NEDD1: variants seen among roughly 807,000 people sequenced by gnomAD.
The protein encoded by NEDD1 is NEDD1 gamma-tubulin ring complex targeting factor, also known as protein NEDD1.
Under a neutral mutation model 74.0 loss-of-function variants are expected in NEDD1, and 33 were observed. The ratio of observed to expected loss-of-function variants is 0.45; its 90% CI spans 0.34 to 0.60. The LOEUF (loss-of-function observed/expected upper bound fraction) is 0.60, where lower values mean the gene tolerates loss of function less well. Among genes scored for constraint, NEDD1 ranks in the 20% least tolerant of loss-of-function variants. The probability of loss-of-function intolerance (pLI) is 0.01; values close to 1 mark genes in which losing one functional copy is unlikely to be tolerated. For missense variants in NEDD1, 746 were observed against 776.5 expected, an observed-to-expected ratio of 0.96 and a Z score of 0.47; for synonymous variants, 250 against 264.4, an observed-to-expected ratio of 0.95 and a Z score of 0.53.
intron 11 of NEDD1, among the ~76,000 whole-genome samples, chr12:96,943,110 C>G (rs768232717): frequency 6.6e-5 from 10 of 151,980 alleles, no homozygotes; most frequent in Non-Finnish European, 1.3e-4. Context: ...GTTACTAGGT[C>G]CAAGCCACGT....
intron 14 of NEDD1, among the ~76,000 whole-genome samples, chr12:96,950,283 T>A (rs1281036665): frequency 6.6e-6 from 1 of 151,992 alleles, no homozygotes; most frequent in East Asian, 1.9e-4. Flanking sequence ...TACTAAGTCT[T>A]GATGATATAG....
In NEDD1 at chr12:96,943,672, A is replaced by C. The variant is rs1877900040; in HGVS notation, c.1407A>C (p.Pro469=). The C allele has an allele frequency of 6.2e-7, 1 of 1,611,948 alleles. No individual in the cohort carries two copies. Among genetic ancestry groups the C allele is most frequent in the East Asian group, 2.2e-5 (1 of 44,842 alleles). Residue 469 remains proline (P), a synonymous_variant, in exon 12 of 16, where the codon CCA becomes CCC. Transcript: ENST00000266742. ...SSPLNVFMGS[P]GKEENENRDL... Reference sequence around the variant, plus strand: ...CTCTTAATGTTTTTATGGGATCTCCAGGGAAAGAGGAAAATGAAAACCGTG... The same window carrying C: ...CTCTTAATGTTTTTATGGGATCTCCCGGGAAAGAGGAAAATGAAAACCGTG...
At chr12:96,916,251 A>ATTATTG (rs1355092207) in intron 4 of NEDD1, among the ~76,000 whole-genome samples, 2 of 149,324 alleles carry the variant, frequency 1.3e-5, no homozygotes, top group Middle Eastern at 3.6e-3. Flanking sequence ...TATTATTATT[A>ATTATTG]TTATTATTAT....
At chr12:96,941,771 A>G (rs967513630) in intron 10 of NEDD1, among the ~76,000 whole-genome samples, 2 of 152,252 alleles carry the variant, frequency 1.3e-5, no homozygotes, top group Non-Finnish European at 1.5e-5. Flanking sequence ...TACTTTTGCT[A>G]TGTTTAAAAA....
chr12:96,918,915 T>G (rs1397193356), intron 5 of NEDD1, among the ~76,000 whole-genome samples: 1 of 152,214 alleles, frequency 6.6e-6, no homozygotes, highest in Non-Finnish European at 1.5e-5. Flanking sequence ...TGTTCCTTGG[T>G]TTTGGGAAAG....
At chr12:96,919,520 G>A (rs886644038) in intron 5 of NEDD1, among the ~76,000 whole-genome samples, 3 of 152,098 alleles carry the variant, frequency 2.0e-5, no homozygotes, top group Non-Finnish European at 4.4e-5. Flanking sequence ...ATTTTGCAAT[G>A]TCTGGTTTCT....
chr12:96,943,499 T>C lies in NEDD1; in HGVS notation c.1295-61T>C, dbSNP rs539878799. 61 of 1,133,226 alleles carry C rather than the reference T, an allele frequency of 5.4e-5. No homozygotes were observed. The East Asian group carries it at 8.2e-4, about 15-fold the overall frequency. The allele number at this position is 1,133,226 out of a possible 1,614,324, so 70.2% of individuals were successfully genotyped here. A position where few individuals can be genotyped will look rare whatever the true frequency, so the allele number is the denominator to read the frequency against. The stretch of plus-strand genomic sequence containing the variant: ...TTAATCTGCCTATCATGTTAAATGC[T>C]TTTCTTCAATGTCCAAAATTGGAGG... On this transcript the variant is annotated intron_variant, in intron 11 of 15. Coordinates refer to ENST00000266742, the MANE Select transcript of NEDD1 (RefSeq NM_152905.4).
intron 6 of NEDD1, among the ~76,000 whole-genome samples, chr12:96,930,216 C>CT (rs1876291173): frequency 7.5e-6 from 1 of 132,610 alleles, no homozygotes; most frequent in South Asian, 2.2e-4. Context: ...CACACACTCT[C>CT]TCTCTCTCTC....
intron 4 of NEDD1, among the ~76,000 whole-genome samples, chr12:96,915,782 A>G (rs1272042143): frequency 2.0e-5 from 3 of 152,256 alleles, no homozygotes; most frequent in Non-Finnish European, 4.4e-5. Flanking sequence ...TAGCCATTCT[A>G]TAAAGATGGA....
intron 10 of NEDD1, among the ~76,000 whole-genome samples, chr12:96,942,160 A>C (rs1184725791): frequency 2.0e-5 from 3 of 152,138 alleles, no homozygotes; most frequent in Admixed American, 2.0e-4. Flanking sequence ...ATTGATCCTC[A>C]AAGCAATTTT....
chr12:96,932,731 G>C (rs1186020550), intron 6 of NEDD1, among the ~76,000 whole-genome samples: 1 of 151,162 alleles, frequency 6.6e-6, no homozygotes, highest in African/African-American at 2.4e-5. Flanking sequence ...TGTAAAAGAT[G>C]GTTGAATGGT....
In NEDD1 at chr12:96,907,693, TC is replaced by T; in HGVS notation, c.-171del. The T allele has an allele frequency of 6.4e-7, 1 of 1,551,308 alleles. No homozygotes were observed. The highest frequency in any genetic ancestry group is 2.4e-5 in the East Asian group (1 of 40,916). On this transcript the variant is annotated 5_prime_UTR_variant, in exon 2 of 16. Coordinates refer to ENST00000266742, the MANE Select transcript of NEDD1 (RefSeq NM_152905.4). The stretch of plus-strand genomic sequence containing the variant: ...TTGGTGATTGAAAGTTGGAGAACTT[TC>T]ATTTCAGCTGAGTGGTGTAGTTGAA...
chr12:96,953,197 A>G lies in NEDD1; in HGVS notation c.*1144A>G, dbSNP rs959116307. The G allele has an allele frequency of 6.7e-6, 1 of 150,152 alleles. No homozygotes were observed. The highest frequency in any genetic ancestry group is 1.5e-5 in the Non-Finnish European group (1 of 67,350). 9.3% of individuals were successfully genotyped at this position (150,152 alleles called of 1,614,324 possible). A position where few individuals can be genotyped will look rare whatever the true frequency, so the allele number is the denominator to read the frequency against. On this transcript the variant is annotated 3_prime_UTR_variant, in exon 16 of 16. Transcript: ENST00000266742. ...CCATTTTGACTTCTGAGATGAAAGT[A>G]TTTACTAAAATTAAAAAAAAAAAAA...
intron 6 of NEDD1, among the ~76,000 whole-genome samples, chr12:96,930,191 ACACACACACACACACACACACTCTCTCT>A (rs1428690114): frequency 1.8e-3 from 133 of 74,872 alleles, no homozygotes; most frequent in African/African-American, 6.1e-3. Context: ...ACACACACAC[ACACACACACACACACACACACTCTCTCT>A]CTCTCTCTCT....
At chr12:96,919,557 T>A (rs59074488) in intron 5 of NEDD1, among the ~76,000 whole-genome samples, 6,241 of 152,228 alleles carry the variant, frequency 0.041, 431 homozygotes, top group African/African-American at 0.14. Context: ...TTTTCTCTTT[T>A]CTCTAAGGTT....
chr12:96,930,199 ACACACACACACACTCTCTCT>A (rs1341545783), intron 6 of NEDD1, among the ~76,000 whole-genome samples: 17 of 63,538 alleles, frequency 2.7e-4, no homozygotes, highest in African/African-American at 9.4e-4. Context: ...ACACACACAC[ACACACACACACACTCTCTCT>A]CTCTCTCTCT....
At chr12:96,941,629 C>A (rs2136604797) in intron 10 of NEDD1, among the ~76,000 whole-genome samples, 1 of 152,168 alleles carries the variant, frequency 6.6e-6, no homozygotes, top group African/African-American at 2.4e-5. Context: ...GAGTTTTGGC[C>A]AGTGAGACTC....
chr12:96,914,947 T>G (rs1565786321), intron 4 of NEDD1, among the ~76,000 whole-genome samples: 2 of 152,226 alleles, frequency 1.3e-5, no homozygotes, highest in South Asian at 4.1e-4. Context: ...TTGTGATGAT[T>G]GGAGTCCCAA....
At chr12:96,920,758 A>C (rs1565791138) in intron 6 of NEDD1, among the ~76,000 whole-genome samples, 1 of 152,150 alleles carries the variant, frequency 6.6e-6, no homozygotes, top group Non-Finnish European at 1.5e-5. Context: ...ATTTCCCATG[A>C]GGTGCAAGTT....
Sources: gnomAD v4.1 joint callset for allele counts (sites outside exome capture counted in the v4.1 genomes callset) on GRCh38, gnomAD v4.1.1 for gene constraint, MANE v1.5 for transcripts, NCBI Gene and HGNC (gene_info 2026-07-23, HGNC 2026-07-21) for gene names.